DAB1: variants seen among roughly 807,000 people sequenced by gnomAD.
DAB1 encodes the protein DAB adaptor protein 1, also known as disabled homolog 1.
A neutral mutation model predicts 64.6 loss-of-function variants in DAB1; 15 were observed. The observed-to-expected ratio is 0.23, with a 90% CI of 0.16 to 0.36. The LOEUF (loss-of-function observed/expected upper bound fraction) is 0.36, where lower values mean the gene tolerates loss of function less well. Among genes scored for constraint, DAB1 ranks in the 10% least tolerant of loss-of-function variants. DAB1 has a pLI of 1.00. For synonymous variants in DAB1, 235 were observed against 251.9 expected (o/e 0.93, Z 0.64); for missense variants, 596 against 706.7 (o/e 0.84, Z 1.78).
At chr1:58,199,469 ATC>A (rs1452632542) in intron 4 of DAB1, among the ~76,000 whole-genome samples, 1 of 152,162 alleles carries the variant, frequency 6.6e-6, no homozygotes, top group Non-Finnish European at 1.5e-5. Flanking sequence ...AAATTACTTA[ATC>A]TCTCTTTTTT....
At chr1:58,432,860 T>A (rs1053653205) in intron 3 of DAB1, among the ~76,000 whole-genome samples, 7 of 152,218 alleles carry the variant, frequency 4.6e-5, no homozygotes, top group East Asian at 1.9e-4. Context: ...CAGGGCTCCA[T>A]GGCTGGAGTT....
chr1:57,716,115 G>A (rs1041772926), intron 6 of DAB1, among the ~76,000 whole-genome samples: 3 of 152,054 alleles, frequency 2.0e-5, no homozygotes, highest in African/African-American at 4.8e-5. Context: ...TCACCATGTT[G>A]GTCAGGCTGG....
At chr1:57,078,372 T>A (rs941198694) in intron 4 of DAB1, among the ~76,000 whole-genome samples, 5 of 152,214 alleles carry the variant, frequency 3.3e-5, no homozygotes, top group Non-Finnish European at 1.5e-5. Flanking sequence ...TTTGCACACA[T>A]CACTCTAACT....
At chr1:58,461,635 A>G (rs1340917389) in intron 3 of DAB1, among the ~76,000 whole-genome samples, 1 of 152,230 alleles carries the variant, frequency 6.6e-6, no homozygotes, top group African/African-American at 2.4e-5. Flanking sequence ...AGAAAGGTAC[A>G]TACACATCAA....
At chr1:57,845,728 T>C (rs1427541121) in intron 1 of DAB1, among the ~76,000 whole-genome samples, 1 of 152,198 alleles carries the variant, frequency 6.6e-6, no homozygotes, top group Admixed American at 6.5e-5. Flanking sequence ...TTCTGATTGA[T>C]GAATATATGT....
chr1:57,558,901 C>T (rs1457579909), intron 7 of DAB1, among the ~76,000 whole-genome samples: 1 of 152,186 alleles, frequency 6.6e-6, no homozygotes, highest in Non-Finnish European at 1.5e-5. Context: ...AGAAGATATA[C>T]CCTTGACCAA....
intron 6 of DAB1, among the ~76,000 whole-genome samples, chr1:57,695,364 G>GAAAAGA (rs1557427766): frequency 1.2e-4 from 5 of 40,180 alleles, no homozygotes; most frequent in African/African-American, 8.7e-4. Context: ...AAAGAAAGAA[G>GAAAAGA]AAAGAAAGAA....
At chr1:58,028,080 G>A (rs1180066271) in intron 5 of DAB1, among the ~76,000 whole-genome samples, 2 of 152,074 alleles carry the variant, frequency 1.3e-5, no homozygotes, top group African/African-American at 2.4e-5. Context: ...TCCCATCATA[G>A]AACATCAATA....
At chr1:57,796,343 T>C (rs991055210) in intron 6 of DAB1, among the ~76,000 whole-genome samples, 7 of 151,822 alleles carry the variant, frequency 4.6e-5, no homozygotes, top group African/African-American at 1.5e-4. Context: ...CTGGCTAACA[T>C]GGTGAAACCC....
At chr1:58,509,400 C>T (rs1257952253) in intron 2 of DAB1, among the ~76,000 whole-genome samples, 1 of 150,346 alleles carries the variant, frequency 6.7e-6, no homozygotes, top group Non-Finnish European at 1.5e-5. Context: ...CCTGAACAGC[C>T]TATGGGTCAA....
intron 4 of DAB1, among the ~76,000 whole-genome samples, chr1:57,116,335 G>A (rs778923726): frequency 5.3e-5 from 8 of 151,454 alleles, no homozygotes; most frequent in African/African-American, 9.7e-5. Flanking sequence ...AGTGGCACGC[G>A]CCTGTAATCC....
In DAB1 at chr1:57,493,762, G is replaced by GCACACACACACACACACACACA. The variant is rs1414667024; in HGVS notation, n.625+155829_625+155830insTGTGTGTGTGTGTGTGTGTGTG. 2.6e-3 allele frequency among the ~76,000 whole-genome samples: 385 copies of GCACACACACACACACACACACA among 150,174 alleles called. 1 individual carries two copies. The highest frequency in any genetic ancestry group is 8.6e-3 in the South Asian group (41 of 4,766). On this transcript the variant is annotated intron_variant and non_coding_transcript_variant, in intron 7 of 20. Coordinates refer to the DAB1 transcript ENST00000485760. ...AGGGAGGCAGGCTGACGTATTCACA[G>GCACACACACACACACACACACA]CTCACACACACACACACACACACAC... is the stretch of plus-strand genomic sequence containing the variant.
chr1:57,635,254 A>C (rs1233058403), intron 7 of DAB1, among the ~76,000 whole-genome samples: 1 of 152,092 alleles, frequency 6.6e-6, no homozygotes, highest in Non-Finnish European at 1.5e-5. Context: ...TAAGGGCAGT[A>C]CTCTAATCCA....
intron 1 of DAB1, among the ~76,000 whole-genome samples, chr1:57,301,929 G>A (rs1553165873): frequency 6.6e-6 from 1 of 152,106 alleles, no homozygotes; most frequent in Non-Finnish European, 1.5e-5. Flanking sequence ...CCTTCTGGAG[G>A]GAAGAGAAAG....
At chr1:57,718,840 G>A (rs1207109648) in intron 6 of DAB1, among the ~76,000 whole-genome samples, 1 of 152,052 alleles carries the variant, frequency 6.6e-6, no homozygotes, top group Non-Finnish European at 1.5e-5. Flanking sequence ...ATGAAGCCTT[G>A]AGATGATGTG....
intron 4 of DAB1, among the ~76,000 whole-genome samples, chr1:58,295,460 T>C (rs939282913): frequency 3.3e-5 from 5 of 152,162 alleles, no homozygotes; most frequent in Non-Finnish European, 7.4e-5. Flanking sequence ...ATTCTAGATC[T>C]AGAGAGCCCA....
intron 6 of DAB1, among the ~76,000 whole-genome samples, chr1:57,746,942 A>T (rs1191731627): frequency 2.0e-5 from 3 of 152,076 alleles, no homozygotes; most frequent in African/African-American, 4.8e-5. Flanking sequence ...GTTATATATG[A>T]TGAAAATATT....
At chr1:57,046,962 A>C (rs1307446656) in intron 9 of DAB1, among the ~76,000 whole-genome samples, 1 of 152,178 alleles carries the variant, frequency 6.6e-6, no homozygotes, top group Non-Finnish European at 1.5e-5. Context: ...GGGTAGGATG[A>C]CCCTAAATCC....
rs577272269 is a variant in DAB1, at chr1:58,210,098, A to G, written n.310-59510T>C. ...ACCTTCTACATACATTTTCAAATTT[A>G]GTACTTACAACAACTCTTGAGGTTG... On this transcript the variant is annotated intron_variant and non_coding_transcript_variant, in intron 4 of 20. Transcript: ENST00000485760. Among the ~76,000 whole-genome samples the G allele has an allele frequency of 8.1e-4, 123 of 152,338 alleles. 1 individual carries two copies. Among genetic ancestry groups the G allele is most frequent in the Middle Eastern group, 6.8e-3 (2 of 294 alleles).
Sources: gnomAD v4.1 joint callset for allele counts (sites outside exome capture counted in the v4.1 genomes callset) on GRCh38, gnomAD v4.1.1 for gene constraint, MANE v1.5 for transcripts, NCBI Gene and HGNC (gene_info 2026-07-23, HGNC 2026-07-21) for gene names.